The following CNNM4 variants were observed in gnomAD, a reference collection of about 807,000 sequenced individuals.
CNNM4 encodes cyclin and CBS domain divalent metal cation transport mediator 4, also known as metal transporter CNNM4.
In CNNM4, 32 loss-of-function variants were observed where a neutral mutation model predicts 53.7. The ratio of observed to expected loss-of-function variants is 0.60; its 90% CI spans 0.45 to 0.80. The LOEUF (loss-of-function observed/expected upper bound fraction) is 0.80, where lower values mean the gene tolerates loss of function less well. Ranked by LOEUF, CNNM4 falls within the 30% of genes least tolerant of loss-of-function variation. The pLI is 0.00. For synonymous variants in CNNM4, 410 were observed against 440.0 expected (o/e 0.93, Z 0.85); for missense variants, 784 against 1,022.0 (o/e 0.77, Z 3.17).
chr2:96,765,024 G>GTTTTGTTTTTTTTGTTTTTT (rs2078801834), intron 1 of CNNM4, among the ~76,000 whole-genome samples: 1 of 41,518 alleles, frequency 2.4e-5, no homozygotes, highest in African/African-American at 8.8e-5. Flanking sequence ...GTTGGGAATG[G>GTTTTGTTTTTTTTGTTTTTT]TTTTTTTTTT....
At chr2:96,769,029 A>G (rs544760486) in intron 1 of CNNM4, among the ~76,000 whole-genome samples, 1 of 152,168 alleles carries the variant, frequency 6.6e-6, no homozygotes, top group Non-Finnish European at 1.5e-5. Context: ...AGGCGGGCGG[A>G]TCATGAGGTC....
Position 96,801,486 on chromosome 2 carries a change from C to T in CNNM4, c.1948+1838C>T, listed in dbSNP as rs1490573780. 6.6e-6 allele frequency among the ~76,000 whole-genome samples: 1 copy of T among 151,900 alleles called. No individual in the cohort carries two copies. Among genetic ancestry groups the T allele is most frequent in the Non-Finnish European group, 1.5e-5 (1 of 67,964 alleles). ...CGCACACACAGAGAGAGACCACACA[C>T]ACACAGAGACCACACACAGAGAGAG... On this transcript the variant is annotated intron_variant, in intron 5 of 6. Transcript: ENST00000377075. This position sits in a 1 kb window ranked among gnomAD's most constrained non-coding sequence, Gnocchi z 5.6.
At chr2:96,764,335 G>C (rs1442789791) in intron 1 of CNNM4, among the ~76,000 whole-genome samples, 1 of 152,164 alleles carries the variant, frequency 6.6e-6, no homozygotes, top group Non-Finnish European at 1.5e-5. Flanking sequence ...CTGAGCCAGA[G>C]TCCCCAGGTT....
chr2:96,805,499 G>A (rs1416492824), intron 5 of CNNM4, among the ~76,000 whole-genome samples: 1 of 126,798 alleles, frequency 7.9e-6, no homozygotes, highest in Non-Finnish European at 1.6e-5. Context: ...TCACAGAGGG[G>A]TATTTGGCAG....
At chr2:96,802,774 A>G (rs1194214138) in intron 5 of CNNM4, among the ~76,000 whole-genome samples, 3 of 152,206 alleles carry the variant, frequency 2.0e-5, no homozygotes, top group African/African-American at 2.4e-5. Flanking sequence ...CCAGTGCCAT[A>G]TGCTGCTTCT....
At chr2:96,806,026 G>A (rs1230514296) in intron 5 of CNNM4, among the ~76,000 whole-genome samples, 2 of 150,496 alleles carry the variant, frequency 1.3e-5, no homozygotes, top group African/African-American at 2.5e-5. Flanking sequence ...AGGGGCGGCC[G>A]GGCAGAGGCG....
In CNNM4 at chr2:96,762,216, C is replaced by T; in HGVS notation, c.1217C>T (p.Thr406Ile). ...TMSEIMESGY[T>I]RIPVFEDEQS... ...TCGGAGATAATGGAAAGCGGCTATACTCGCATCCCGGTGTTCGAAGACGAG... is the reference window on the plus strand; with the variant it reads ...TCGGAGATAATGGAAAGCGGCTATATTCGCATCCCGGTGTTCGAAGACGAG... Residue 406 changes from threonine to isoleucine, a missense_variant, in exon 1 of 7, where the codon ACT (threonine) becomes ATT (isoleucine). Thr to Ile is a moderately conservative substitution (Grantham distance 89, BLOSUM62 -1). Coordinates refer to ENST00000377075, the MANE Select transcript of CNNM4 (RefSeq NM_020184.4). 6.2e-7 allele frequency: 1 copy of T among 1,614,172 alleles called. No homozygotes were observed. The highest frequency in any genetic ancestry group is 8.5e-7 in the Non-Finnish European group (1 of 1,180,034).
At position 96,808,879 on chromosome 2, in the gene CNNM4, C is replaced by T. The variant is rs1489069537; in HGVS notation, c.2130+137C>T. 2.0e-5 allele frequency: 18 copies of T among 905,332 alleles called. No individual in the cohort carries two copies. Among genetic ancestry groups the T allele is most frequent in the Middle Eastern group, 2.6e-4 (1 of 3,906 alleles). The allele number at this position is 905,332 out of a possible 1,614,324, so 56.1% of individuals were successfully genotyped here. ...TTCTGGAGATGGGGTCTTGCTCTGT[C>T]GCCCAGGCTGGAATGCAGTGGTGTG... is the stretch of plus-strand genomic sequence containing the variant. On this transcript the variant is annotated intron_variant, in intron 6 of 6. Transcript: ENST00000377075. This position sits in a 1 kb window ranked among gnomAD's most constrained non-coding sequence, Gnocchi z 4.9.
rs1389883129 is a variant in CNNM4 at position 96,760,944 on chromosome 2, A to C, written c.-56A>C. On this transcript the variant is annotated 5_prime_UTR_variant, in exon 1 of 7. Coordinates refer to ENST00000377075, the MANE Select transcript of CNNM4 (RefSeq NM_020184.4). ...CGGAGCGGCCGGAGCTGCGGTGCGGACCGGGGCCGCGCGGCGTGGCGCGGG... is the reference window on the plus strand; with the variant it reads ...CGGAGCGGCCGGAGCTGCGGTGCGGCCCGGGGCCGCGCGGCGTGGCGCGGG... The C allele has an allele frequency of 2.1e-6, 2 of 931,798 alleles. No homozygotes were observed. Among genetic ancestry groups the C allele is most frequent in the African/African-American group, 1.8e-5 (1 of 55,242 alleles). 57.7% of individuals were successfully genotyped at this position (931,798 alleles called of 1,614,324 possible).
At chr2:96,792,629 C>T (rs965274551) in intron 1 of CNNM4, among the ~76,000 whole-genome samples, 2 of 151,890 alleles carry the variant, frequency 1.3e-5, no homozygotes, top group East Asian at 1.9e-4. Context: ...ATGGTGAAAC[C>T]CCATCTCTAC....
chr2:96,809,647 C>T lies in CNNM4; in HGVS notation c.*130C>T. The T allele has an allele frequency of 1.2e-6, 1 of 823,706 alleles. No individual in the cohort carries two copies. Among genetic ancestry groups the T allele is most frequent in the Non-Finnish European group, 2.0e-6 (1 of 512,784 alleles). 51.0% of individuals were successfully genotyped at this position (823,706 alleles called of 1,614,324 possible). On this transcript the variant is annotated 3_prime_UTR_variant, in exon 7 of 7. Coordinates refer to ENST00000377075, the MANE Select transcript of CNNM4 (RefSeq NM_020184.4). ...GTCTGACTGAACAGCCAGATGGCCC[C>T]CAGCCTATGGGGGATCTGGCCTCTG...
chr2:96,809,485 C>G lies in CNNM4; in HGVS notation c.2296C>G (p.Leu766Val), dbSNP rs2079238946. 8.1e-6 allele frequency: 13 copies of G among 1,614,238 alleles called. No individual in the cohort carries two copies. Among genetic ancestry groups the G allele is most frequent in the Non-Finnish European group, 1.1e-5 (13 of 1,180,034 alleles). The change falls in exon 7 of 7, where the codon CTG (leucine) becomes GTG (valine). Residue 766 changes from leucine to valine, a missense_variant. Leu to Val is a conservative substitution (Grantham distance 32). This residue lies in a region of CNNM4 where 307 missense variants were observed against 376.3 expected (regional missense o/e 0.82). Transcript: ENST00000377075. ...TCTTCTCAACGAGCGTAACTCCTTG[C>G]TGCACAAAGCCTCCCACGAGAATGC... is the stretch of plus-strand genomic sequence containing the variant. Reference protein sequence around the residue: ...TTLLNERNSLLHKASHENAI With the variant: ...TTLLNERNSLVHKASHENAI
At chr2:96,767,334 G>C (rs2078827779) in intron 1 of CNNM4, among the ~76,000 whole-genome samples, 1 of 152,134 alleles carries the variant, frequency 6.6e-6, no homozygotes, top group African/African-American at 2.4e-5. Flanking sequence ...CCTGTGATTT[G>C]AACCTTGGCC....
chr2:96,799,122 G>A lies in CNNM4; in HGVS notation c.1747G>A (p.Asp583Asn). The change falls in exon 4 of 7, where the codon GAT (aspartate) becomes AAT (asparagine). Residue 583 changes from aspartate to asparagine, a missense_variant. Asp to Asn is a conservative substitution (Grantham distance 23). This residue lies in a region of CNNM4 where 307 missense variants were observed against 376.3 expected (regional missense o/e 0.82). Transcript: ENST00000377075. ...CCTGCTGCGGCTACTCAAGTACCCA[G>A]ATGTCATTCAGGAACTCAAGTTTGA... Reference protein sequence around the residue: ...KILLRLLKYPDVIQELKFDEH... With the variant: ...KILLRLLKYPNVIQELKFDEH... 4.3e-6 allele frequency: 7 copies of A among 1,614,138 alleles called. No individual in the cohort carries two copies. Among genetic ancestry groups the A allele is most frequent in the Non-Finnish European group, 5.9e-6 (7 of 1,180,006 alleles).
At chr2:96,779,049 TG>T (rs1004484496) in intron 1 of CNNM4, among the ~76,000 whole-genome samples, 20 of 152,060 alleles carry the variant, frequency 1.3e-4, no homozygotes, top group Non-Finnish European at 2.8e-4. Flanking sequence ...CTCTGCCTCC[TG>T]GCTTCACGCC....
chr2:96,786,778 C>CAAAA (rs978560794), intron 1 of CNNM4, among the ~76,000 whole-genome samples: 2 of 40,478 alleles, frequency 4.9e-5, no homozygotes, highest in East Asian at 7.4e-4. Flanking sequence ...GACTCTGTCT[C>CAAAA]AAAAAAAAAA....
intron 1 of CNNM4, among the ~76,000 whole-genome samples, chr2:96,776,704 A>G (rs1352498407): frequency 6.6e-6 from 1 of 151,586 alleles, no homozygotes; most frequent in Non-Finnish European, 1.5e-5. Flanking sequence ...CCTCTGCCTC[A>G]TGGGTTTAAG....
Position 96,761,052 on chromosome 2 carries a change from G to C in CNNM4, c.53G>C (p.Arg18Pro). 1 of 1,242,904 alleles carries C rather than the reference G, an allele frequency of 8.0e-7. No homozygotes were observed. The highest frequency in any genetic ancestry group is 1.6e-5 in the African/African-American group (1 of 64,414). The allele number at this position is 1,242,904 out of a possible 1,614,324, so 77.0% of individuals were successfully genotyped here. ...CCGGTCGGCGGACCGGCCCGCGGGC[G>C]CCTCCTCCTGGCGGCGCCGGTGCTG... ...GRPVGGPARG[R>P]LLLAAPVLLV... Residue 18 changes from arginine (R) to proline (P), a missense_variant, in exon 1 of 7, where the codon CGC becomes CCC. Arg to Pro is a moderately radical substitution (Grantham distance 103). This residue lies in a region of CNNM4 where 473 missense variants were observed against 624.6 expected (regional missense o/e 0.76). Coordinates refer to ENST00000377075, the MANE Select transcript of CNNM4 (RefSeq NM_020184.4). The surrounding 1 kb of genome is among the most constrained non-coding windows in gnomAD (Gnocchi z 6.0).
Position 96,761,785 on chromosome 2 carries a change from CA to C in CNNM4, c.788del (p.Asn263ThrfsTer79). The C allele has an allele frequency of 6.2e-7, 1 of 1,613,270 alleles. No individual in the cohort carries two copies. Among genetic ancestry groups the C allele is most frequent in the Non-Finnish European group, 8.5e-7 (1 of 1,180,040 alleles). ...ACACCTCCCTCACAATCCTTCTAGA[CA>C]ACCTCATCGGGTCCGGCCTCATGGC... is the stretch of plus-strand genomic sequence containing the variant. Reference protein sequence around the residue: ...VNTSLTILLDNLIGSGLMAVA... With the variant: ...VNTSLTILLDXLIGSGLMAVA... On this transcript the variant is annotated frameshift_variant, in exon 1 of 7. Transcript: ENST00000377075. LOFTEE classifies it high-confidence loss of function. This position sits in a 1 kb window ranked among gnomAD's most constrained non-coding sequence, Gnocchi z 6.0.
Sources: allele counts gnomAD v4.1 joint callset (sites outside exome capture counted in the v4.1 genomes callset), GRCh38; gene constraint gnomAD v4.1.1; regional missense constraint gnomAD v4.1.1; non-coding constraint Gnocchi (gnomAD v3.1); transcripts MANE v1.5; gene names NCBI Gene and HGNC (gene_info 2026-07-23, HGNC 2026-07-21).